Variants in ATP9B observed in about 807,000 individuals in gnomAD.
ATP9B encodes ATPase phospholipid transporting 9B.
ATP9B carries 110 observed loss-of-function variants against 146.1 expected under a neutral mutation model. The observed-to-expected ratio is 0.75, with a 90% CI of 0.65 to 0.88. ATP9B has a LOEUF of 0.88. ATP9B is among the 40% of genes least tolerant of loss of function. The pLI is 0.00. For missense variants in ATP9B, 1,499 were observed against 1,496.4 expected (o/e 1.00, Z -0.03); for synonymous variants, 604 against 569.7 (o/e 1.06, Z -0.86).
intron 15 of ATP9B, among the ~76,000 whole-genome samples, chr18:79,313,995 G>T (rs553013622): frequency 6.6e-6 from 1 of 152,188 alleles, no homozygotes; most frequent in Non-Finnish European, 1.5e-5. Context: ...GAACTTTGCT[G>T]CAGTTAGGTT....
intron 15 of ATP9B, among the ~76,000 whole-genome samples, chr18:79,327,716 T>A (rs1205163834): frequency 9.3e-6 from 1 of 107,378 alleles, no homozygotes. Context: ...CTCTCCATGG[T>A]TAGCGTGCTC....
At chr18:79,268,712 C>G (rs2096227949) in intron 12 of ATP9B, among the ~76,000 whole-genome samples, 1 of 152,180 alleles carries the variant, frequency 6.6e-6, no homozygotes, top group South Asian at 2.1e-4. Context: ...TTTATACATT[C>G]TCCATCATTT....
chr18:79,137,122 G>C (rs9948122), intron 5 of ATP9B, among the ~76,000 whole-genome samples: 37,961 of 151,992 alleles, frequency 0.25, 5,069 homozygotes, highest in East Asian at 0.5. Flanking sequence ...TTTATCTCAA[G>C]CATTGTTTTT....
intron 26 of ATP9B, among the ~76,000 whole-genome samples, chr18:79,367,572 GCCT>G (rs1415366513): frequency 2.6e-5 from 4 of 152,254 alleles, no homozygotes; most frequent in African/African-American, 9.6e-5. Flanking sequence ...CAGAGAAAGC[GCCT>G]CCTCAACCAG....
intron 12 of ATP9B, among the ~76,000 whole-genome samples, chr18:79,266,244 A>G (rs1280809012): frequency 1.3e-5 from 2 of 152,182 alleles, no homozygotes; most frequent in Non-Finnish European, 2.9e-5. Flanking sequence ...TGTCGTAAAT[A>G]TCGTTCTTAA....
intron 8 of ATP9B, among the ~76,000 whole-genome samples, chr18:79,189,204 G>A (rs1318923543): frequency 6.6e-5 from 10 of 151,970 alleles, no homozygotes; most frequent in Middle Eastern, 3.4e-3. Context: ...AAAATCATCC[G>A]GGCGTGGTGG....
intron 6 of ATP9B, among the ~76,000 whole-genome samples, chr18:79,150,459 G>C (rs2094670158): frequency 6.6e-6 from 1 of 152,186 alleles, no homozygotes; most frequent in Admixed American, 6.5e-5. Flanking sequence ...ATTCCAGAAA[G>C]TCCATATATC....
chr18:79,314,746 C>T (rs368145385), intron 15 of ATP9B, among the ~76,000 whole-genome samples: 3 of 152,332 alleles, frequency 2.0e-5, no homozygotes, highest in South Asian at 2.1e-4. Flanking sequence ...GCTGAGCAAA[C>T]GTTAAATGCT....
chr18:79,295,287 A>G (rs534906854), intron 13 of ATP9B, among the ~76,000 whole-genome samples: 1 of 152,242 alleles, frequency 6.6e-6, no homozygotes, highest in Non-Finnish European at 1.5e-5. Flanking sequence ...TCAGAAATAC[A>G]TTGGTCTAGC....
At chr18:79,159,849 A>G (rs9954753) in intron 7 of ATP9B, among the ~76,000 whole-genome samples, 37,691 of 152,094 alleles carry the variant, frequency 0.25, 7,290 homozygotes, top group African/African-American at 0.55. Flanking sequence ...TCCTAAGCAC[A>G]CCTACATTTG....
chr18:79,096,390 A>C (rs2074783068), intron 1 of ATP9B, 86 bp from the exon 2 acceptor site: 2 of 1,281,450 alleles, frequency 1.6e-6, no homozygotes, highest in Admixed American at 4.0e-5. Flanking sequence ...AGACAGCCTA[A>C]TTTGAGGAAA....
chr18:79,286,161 A>G (rs1209569590), intron 13 of ATP9B, among the ~76,000 whole-genome samples: 2 of 150,950 alleles, frequency 1.3e-5, no homozygotes, highest in African/African-American at 4.9e-5. Flanking sequence ...GAAGAAAGTC[A>G]TTGGTAGCTT....
chr18:79,279,481 G>C (rs1043552396), intron 13 of ATP9B, among the ~76,000 whole-genome samples: 6 of 152,110 alleles, frequency 3.9e-5, no homozygotes, highest in Non-Finnish European at 7.4e-5. Flanking sequence ...TGTTCCCAAA[G>C]AAAACAAATT....
At chr18:79,102,525 A>G (rs1287930743) in intron 2 of ATP9B, among the ~76,000 whole-genome samples, 1 of 152,164 alleles carries the variant, frequency 6.6e-6, no homozygotes, top group Non-Finnish European at 1.5e-5. Flanking sequence ...CCAGTACCAC[A>G]CAGTGTGCTG....
At chr18:79,348,866 C>A (rs1196153395) in intron 25 of ATP9B, among the ~76,000 whole-genome samples, 1 of 152,206 alleles carries the variant, frequency 6.6e-6, no homozygotes, top group African/African-American at 2.4e-5. Flanking sequence ...TGCCTGTAAT[C>A]CCAGCTACTC....
At chr18:79,279,137 G>C (rs560381894) in intron 13 of ATP9B, among the ~76,000 whole-genome samples, 1 of 152,338 alleles carries the variant, frequency 6.6e-6, no homozygotes, top group East Asian at 1.9e-4. Flanking sequence ...TGACCACCAG[G>C]ATTTGCTCAT....
At chr18:79,256,337 CTTA>C (rs1283096302) in intron 12 of ATP9B, among the ~76,000 whole-genome samples, 5 of 144,148 alleles carry the variant, frequency 3.5e-5, no homozygotes, top group Non-Finnish European at 7.5e-5. Context: ...TAGAATAGCT[CTTA>C]TTATTCTGGT....
Position 79,207,086 on chromosome 18 carries a change from A to G in ATP9B, c.1030+74A>G, listed in dbSNP as rs2095541364. Reference sequence around the variant, plus strand: ...GCTTTGTTTTGTCCAGGGACTCCAAACAAGGGTTTCTCACAGTGCCCTGAA... The same window carrying G: ...GCTTTGTTTTGTCCAGGGACTCCAAGCAAGGGTTTCTCACAGTGCCCTGAA... On this transcript the variant is annotated intron_variant, in intron 10 of 29. Transcript: ENST00000426216. 4 of 1,436,240 alleles carry G rather than the reference A, an allele frequency of 2.8e-6. No individual in the cohort carries two copies. In the Admixed American group the frequency reaches 5.2e-5, roughly 19 times the overall value. 89.0% of individuals were successfully genotyped at this position (1,436,240 alleles called of 1,614,324 possible).
In ATP9B at chr18:79,299,407, C is replaced by T. The variant is rs554407189; in HGVS notation, c.1412-4197C>T. 1.9e-4 allele frequency among the ~76,000 whole-genome samples: 29 copies of T among 152,332 alleles called. No homozygotes were observed. The South Asian group carries it at 4.6e-3, about 24-fold the overall frequency. The stretch of plus-strand genomic sequence containing the variant: ...CACATACAGTTCCCTCTTCCTGGAG[C>T]GCTTCTCTTGTGGAAACCACTAGTA... On this transcript the variant is annotated intron_variant, in intron 13 of 29. Transcript: ENST00000426216.
Sources: allele counts gnomAD v4.1 joint callset (sites outside exome capture counted in the v4.1 genomes callset), GRCh38; gene constraint gnomAD v4.1.1; transcripts MANE v1.5; gene names NCBI Gene and HGNC (gene_info 2026-07-23, HGNC 2026-07-21).